Variants in ARHGEF10L observed in about 807,000 individuals in gnomAD.
ARHGEF10L encodes the protein rho guanine nucleotide exchange factor 10-like protein.
A neutral mutation model predicts 141.2 loss-of-function variants in ARHGEF10L; 69 were observed. The ratio of observed to expected loss-of-function variants is 0.49; its 90% confidence interval spans 0.40 to 0.60. ARHGEF10L has a LOEUF of 0.60. ARHGEF10L is among the 20% of genes least tolerant of loss of function. The probability of loss-of-function intolerance (pLI) is 0.00; values close to 1 mark genes in which losing one functional copy is unlikely to be tolerated. For synonymous variants in ARHGEF10L, 711 were observed against 718.5 expected (o/e 0.99, Z 0.17); for missense variants, 1,482 against 1,734.3 (o/e 0.85, Z 2.58).
At chr1:17,657,462 T>A (rs115810752) in intron 25 of ARHGEF10L, among the ~76,000 whole-genome samples, 1,561 of 152,034 alleles carry the variant, frequency 0.01, 38 homozygotes, top group African/African-American at 0.036. Context: ...GAGTAGAGAG[T>A]GTAGCCAGCC....
chr1:17,520,852 CTG>C, the ARHGEF10L span, among the ~76,000 whole-genome samples: 327 of 152,280 alleles, frequency 2.1e-3, 1 homozygote, highest in Non-Finnish European at 3.9e-3. Flanking sequence ...GCTGGGAAAA[CTG>C]AGGCTTGGAG....
the ARHGEF10L span, among the ~76,000 whole-genome samples, chr1:17,529,233 C>A: frequency 6.6e-6 from 1 of 152,200 alleles, no homozygotes; most frequent in Non-Finnish European, 1.5e-5. Context: ...GAACTCCTGA[C>A]CTCAAGTGAT....
At position 17,622,090 on chromosome 1, in the gene ARHGEF10L, C is replaced by T. The variant is rs1243375922; in HGVS notation, c.1020+149C>T. On this transcript the variant is annotated intron_variant, in intron 11 of 28. Coordinates refer to ENST00000361221, the MANE Select transcript of ARHGEF10L (RefSeq NM_018125.4). ...CTGCTTTATGGGGACAGTAGAACCTCCAAATGTAGGCAGCAAGAATTCCTG... is the reference window on the plus strand; with the variant it reads ...CTGCTTTATGGGGACAGTAGAACCTTCAAATGTAGGCAGCAAGAATTCCTG... 8.1e-6 allele frequency: 6 copies of T among 741,738 alleles called. No individual in the cohort carries two copies. In the African/African-American group the frequency reaches 1.1e-4, roughly 13 times the overall value. 45.9% of individuals were successfully genotyped at this position (741,738 alleles called of 1,614,324 possible). A position where few individuals can be genotyped will look rare whatever the true frequency, so the allele number is the denominator to read the frequency against.
chr1:17,599,928 A>T (rs533901245), intron 4 of ARHGEF10L, among the ~76,000 whole-genome samples: 38 of 152,362 alleles, frequency 2.5e-4, no homozygotes, highest in African/African-American at 8.2e-4. Context: ...CACTAGCCAC[A>T]TGTCAAGTGC....
chr1:17,619,478 C>A lies in ARHGEF10L; in HGVS notation c.942+33C>A. The stretch of plus-strand genomic sequence containing the variant: ...GGGGAGTGGGGCAGGTGGGGGTCTG[C>A]AGGGGAAGGGGTGGCTTGGGGGTTC... On this transcript the variant is annotated intron_variant, in intron 10 of 28. Transcript: ENST00000361221. The surrounding 1 kb of genome is among the most constrained non-coding windows in gnomAD (Gnocchi z 5.0). The A allele has an allele frequency of 6.8e-7, 1 of 1,468,396 alleles. No individual in the cohort carries two copies. Among genetic ancestry groups the A allele is most frequent in the Non-Finnish European group, 9.2e-7 (1 of 1,090,900 alleles). 91.0% of individuals were successfully genotyped at this position (1,468,396 alleles called of 1,614,324 possible). A position where few individuals can be genotyped will look rare whatever the true frequency, so the allele number is the denominator to read the frequency against.
At chr1:17,664,400 T>C in intron 25 of ARHGEF10L, 47 bp from the exon 26 acceptor site, 1 of 1,580,988 alleles carries the variant, frequency 6.3e-7, no homozygotes, top group African/African-American at 1.3e-5. Context: ...CCAGGAGACC[T>C]GCTTGCCGCT....
the ARHGEF10L span, among the ~76,000 whole-genome samples, chr1:17,517,909 G>T: frequency 6.6e-6 from 1 of 152,062 alleles, no homozygotes; most frequent in African/African-American, 2.4e-5. Context: ...TGATCCAACC[G>T]CCTCGGCCTC....
intron 4 of ARHGEF10L, among the ~76,000 whole-genome samples, chr1:17,591,408 A>ATT (rs35249582): frequency 5.0e-5 from 6 of 121,206 alleles, no homozygotes; most frequent in African/African-American, 9.7e-5. Context: ...ATGCCTGGCT[A>ATT]TTTTTTTTTT....
At chr1:17,604,643 G>A (rs568849725) in intron 6 of ARHGEF10L, 5 of 152,444 alleles carry the variant, frequency 3.3e-5, no homozygotes, top group Admixed American at 6.5e-5. Context: ...CCTGTCTCAG[G>A]AACGGGGACA....
Position 17,664,569 on chromosome 1 carries a change from C to A in ARHGEF10L, c.2983C>A (p.Leu995Met). The change falls in exon 26 of 29, where the codon CTG (leucine) becomes ATG (methionine). Residue 995 changes from leucine (L) to methionine (M), a missense_variant. This residue lies in a region of ARHGEF10L where 858 missense variants were observed against 966.3 expected (regional missense o/e 0.89). Transcript: ENST00000361221. Reference sequence around the variant, plus strand: ...CAGCTGTGGGCCCCGGGTCACTGTCCTGGAAGCCACCACCCTGCAGCCTCA... The same window carrying A: ...CAGCTGTGGGCCCCGGGTCACTGTCATGGAAGCCACCACCCTGCAGCCTCA... ...WASCGPRVTV[L>M]EATTLQPQQS... 6.2e-7 allele frequency: 1 copy of A among 1,602,690 alleles called. No individual in the cohort carries two copies. The highest frequency in any genetic ancestry group is 8.5e-7 in the Non-Finnish European group (1 of 1,176,850).
intron 21 of ARHGEF10L, among the ~76,000 whole-genome samples, chr1:17,645,836 G>A (rs777759040): frequency 2.0e-5 from 3 of 152,360 alleles, no homozygotes; most frequent in African/African-American, 7.2e-5. Flanking sequence ...ATAGAAGGAC[G>A]TATCTCCCGT....
chr1:17,588,849 AGTGTGTGTGT>A (rs57719075), intron 4 of ARHGEF10L, among the ~76,000 whole-genome samples: 7 of 20,434 alleles, frequency 3.4e-4, no homozygotes, highest in South Asian at 4.7e-3. Context: ...GAGGGTCCCC[AGTGTGTGTGT>A]GTGTGTGTGT....
rs1237893357 is a variant in ARHGEF10L, at chr1:17,587,560, C to T, written c.138C>T (p.Thr46=). 2 of 1,614,062 alleles carry T rather than the reference C, an allele frequency of 1.2e-6. No homozygotes were observed. Among genetic ancestry groups the T allele is most frequent in the African/African-American group, 1.3e-5 (1 of 74,924 alleles). ...EFDDSDDEED[T]SAALGVPSLA... ...ATGACAGTGATGATGAAGAGGACAC[C>T]AGCGCAGCCCTGGGCGTCCCCAGCC... The change falls in exon 3 of 29, where the codon ACC becomes ACT. Residue 46 remains threonine, a synonymous_variant. Coordinates refer to ENST00000361221, the MANE Select transcript of ARHGEF10L (RefSeq NM_018125.4).
At chr1:17,524,891 C>T in the ARHGEF10L span, among the ~76,000 whole-genome samples, 12 of 152,308 alleles carry the variant, frequency 7.9e-5, no homozygotes, top group African/African-American at 2.9e-4. Flanking sequence ...GGTTTAGGAG[C>T]TTAGCAGGTA....
intron 1 of ARHGEF10L, among the ~76,000 whole-genome samples, chr1:17,555,481 A>C (rs2077271286): frequency 6.6e-6 from 1 of 151,708 alleles, no homozygotes; most frequent in African/African-American, 2.4e-5. Context: ...TTAGCCTCTC[A>C]AGCAGCTGGG....
At chr1:17,518,338 G>A in the ARHGEF10L span, among the ~76,000 whole-genome samples, 1 of 152,182 alleles carries the variant, frequency 6.6e-6, no homozygotes, top group Non-Finnish European at 1.5e-5. Context: ...GGCAGGGGTT[G>A]ATTACCTTTG....
intron 22 of ARHGEF10L, among the ~76,000 whole-genome samples, chr1:17,650,767 G>C (rs973109727): frequency 6.6e-6 from 1 of 151,894 alleles, no homozygotes; most frequent in Non-Finnish European, 1.5e-5. Flanking sequence ...GGACCTGGAG[G>C]GAGCAGCTCA....
chr1:17,606,302 T>TC (rs935483781), intron 6 of ARHGEF10L, among the ~76,000 whole-genome samples: 3 of 150,272 alleles, frequency 2.0e-5, no homozygotes, highest in South Asian at 2.1e-4. Flanking sequence ...TTCTTCTTCT[T>TC]TTTTTTTTTG....
At chr1:17,648,995 G>A (rs1331412448) in intron 22 of ARHGEF10L, among the ~76,000 whole-genome samples, 2 of 152,242 alleles carry the variant, frequency 1.3e-5, no homozygotes, top group Non-Finnish European at 2.9e-5. Flanking sequence ...GCCAGCCACT[G>A]TGGGTTGGGT....
Sources: gnomAD v4.1 joint callset for allele counts (sites outside exome capture counted in the v4.1 genomes callset) on GRCh38, gnomAD v4.1.1 for gene constraint, gnomAD v4.1.1 regional missense constraint, Gnocchi (gnomAD v3.1) non-coding constraint, MANE v1.5 for transcripts, NCBI Gene and HGNC (gene_info 2026-07-23, HGNC 2026-07-21) for gene names.